The following RSPO2 variants were observed in gnomAD, a reference collection of about 807,000 sequenced individuals.
RSPO2 encodes R-spondin-2.
A neutral mutation model predicts 30.9 loss-of-function variants in RSPO2; 14 were observed. The observed-to-expected ratio is 0.45, with a 90% CI of 0.30 to 0.71. RSPO2 has a LOEUF of 0.71. RSPO2 is among the 30% of genes least tolerant of loss of function. RSPO2 has a pLI of 0.08. For synonymous variants in RSPO2, 107 were observed against 96.4 expected (o/e 1.11, Z -0.64); for missense variants, 264 against 301.9 (o/e 0.87, Z 0.93).
intron 3 of RSPO2, among the ~76,000 whole-genome samples, chr8:107,988,426 G>GT (rs71562167): frequency 0.096 from 13,735 of 143,326 alleles, 712 homozygotes; most frequent in Middle Eastern, 0.13. Flanking sequence ...TTCCTTTGTG[G>GT]TTTTTTTTTT....
At chr8:108,027,818 G>A (rs541652413) in intron 2 of RSPO2, among the ~76,000 whole-genome samples, 1 of 152,202 alleles carries the variant, frequency 6.6e-6, no homozygotes, top group African/African-American at 2.4e-5. Context: ...CAGTCCCCGA[G>A]CTTCTTTCTA....
intron 5 of RSPO2, among the ~76,000 whole-genome samples, chr8:107,935,853 G>T (rs1812707860): frequency 6.6e-6 from 1 of 152,038 alleles, no homozygotes. Context: ...ACCTATCTAT[G>T]GGTACATCTG....
chr8:108,062,722 C>G (rs909979005), intron 2 of RSPO2, among the ~76,000 whole-genome samples: 2 of 151,736 alleles, frequency 1.3e-5, no homozygotes, highest in African/African-American at 4.9e-5. Context: ...CTGGCAGAGA[C>G]ACAATGGAAA....
chr8:107,957,021 G>T (rs1028228590), intron 5 of RSPO2, among the ~76,000 whole-genome samples: 1 of 152,178 alleles, frequency 6.6e-6, no homozygotes, highest in Non-Finnish European at 1.5e-5. Context: ...CCTAATAGTA[G>T]CTTCTGAATC....
intron 2 of RSPO2, among the ~76,000 whole-genome samples, chr8:108,069,006 G>T (rs1812758345): frequency 6.6e-6 from 1 of 152,178 alleles, no homozygotes; most frequent in Admixed American, 6.5e-5. Flanking sequence ...TTAAAGTAAT[G>T]ACTCTAGAAA....
chr8:107,923,024 AAG>A (rs1006172397), intron 5 of RSPO2, among the ~76,000 whole-genome samples: 1 of 152,192 alleles, frequency 6.6e-6, no homozygotes, highest in Non-Finnish European at 1.5e-5. Flanking sequence ...GGAACAGGCA[AAG>A]ATTTCATGAA....
chr8:107,981,924 C>G (rs1298148631), intron 3 of RSPO2, among the ~76,000 whole-genome samples: 1 of 145,238 alleles, frequency 6.9e-6, no homozygotes, highest in Non-Finnish European at 1.5e-5. Context: ...GTCCCAGCTA[C>G]TGGGGAGGCT....
In RSPO2 at chr8:107,958,214, C is replaced by T. The variant is rs770159956; in HGVS notation, c.482G>A (p.Arg161His). ...CAGACCCCATTTAAATCCACATGTG[C>T]GATTATTTCTGCTACAAGTTCCCCA... is the stretch of plus-strand genomic sequence containing the variant. ...SEWGTCSRNN[R>H]TCGFKWGLET... Residue 161 changes from arginine (R) to histidine (H), a missense_variant, in exon 5 of 6, where the codon CGC (arginine) becomes CAC (histidine). Physicochemically the swap from Arg to His is conservative, Grantham distance 29. Coordinates refer to ENST00000276659, the MANE Select transcript of RSPO2 (RefSeq NM_178565.5). 5 of 1,613,444 alleles carry T rather than the reference C, an allele frequency of 3.1e-6. No individual in the cohort carries two copies. The highest frequency in any genetic ancestry group is 2.2e-5 in the East Asian group (1 of 44,838).
chr8:107,899,580 G>A lies in RSPO2; in HGVS notation c.*1495C>T, dbSNP rs1811375210. The A allele has an allele frequency of 6.6e-6, 1 of 152,140 alleles. No individual in the cohort carries two copies. The highest frequency in any genetic ancestry group is 1.5e-5 in the Non-Finnish European group (1 of 67,942). 9.4% of individuals were successfully genotyped at this position (152,140 alleles called of 1,614,324 possible). The stretch of plus-strand genomic sequence containing the variant: ...TTATCCTTATTGGTAAGATGCTTTT[G>A]AATCAAAAGTTAAAAACACTGAAGA... On this transcript the variant is annotated 3_prime_UTR_variant, in exon 6 of 6. Coordinates refer to ENST00000276659, the MANE Select transcript of RSPO2 (RefSeq NM_178565.5).
chr8:108,066,450 CT>C (rs5893904), intron 2 of RSPO2, among the ~76,000 whole-genome samples: 45,797 of 149,492 alleles, frequency 0.31, 7,710 homozygotes, highest in African/African-American at 0.46. Context: ...ACCAACAAGT[CT>C]TTTTTTTTTA....
intron 5 of RSPO2, among the ~76,000 whole-genome samples, chr8:107,915,488 A>T (rs1431030068): frequency 6.6e-6 from 1 of 152,130 alleles, no homozygotes; most frequent in Non-Finnish European, 1.5e-5. Context: ...AAACAGGAAG[A>T]TTTCAGGGAG....
chr8:108,059,297 A>G (rs1168133817), intron 2 of RSPO2, among the ~76,000 whole-genome samples: 1 of 151,936 alleles, frequency 6.6e-6, no homozygotes, highest in African/African-American at 2.4e-5. Flanking sequence ...CAAAACCACA[A>G]TGAGATACCA....
Position 108,013,271 on chromosome 8 carries a change from G to T in RSPO2, c.95-24027C>A, listed in dbSNP as rs549717595. On this transcript the variant is annotated intron_variant, in intron 2 of 5. Transcript: ENST00000276659. ...CTCTTTCTTTTTCTATTTTTGGTTG[G>T]TTTTTGTACTCACCCTTATACTTTT... Among the ~76,000 whole-genome samples, 25 of 152,132 alleles carry T rather than the reference G, an allele frequency of 1.6e-4. No homozygotes were observed. In the East Asian group the frequency reaches 4.8e-3, roughly 29 times the overall value.
At chr8:107,981,443 C>T (rs1473661726) in intron 3 of RSPO2, among the ~76,000 whole-genome samples, 1 of 151,990 alleles carries the variant, frequency 6.6e-6, no homozygotes, top group African/African-American at 2.4e-5. Flanking sequence ...ATTACTTGAA[C>T]CCAGGAAGCG....
intron 2 of RSPO2, among the ~76,000 whole-genome samples, chr8:108,023,691 T>C (rs534014708): frequency 3.3e-5 from 5 of 152,170 alleles, no homozygotes; most frequent in Non-Finnish European, 7.3e-5. Flanking sequence ...AATAGGACAC[T>C]CTGTTATGGC....
chr8:107,996,176 T>C (rs951683960), intron 2 of RSPO2, among the ~76,000 whole-genome samples: 1 of 152,084 alleles, frequency 6.6e-6, no homozygotes, highest in Non-Finnish European at 1.5e-5. Context: ...ACAGGCTGTG[T>C]GAGGAAATGG....
At chr8:108,002,756 T>G (rs1020212802) in intron 2 of RSPO2, among the ~76,000 whole-genome samples, 2 of 152,218 alleles carry the variant, frequency 1.3e-5, no homozygotes, top group African/African-American at 4.8e-5. Context: ...GTGTTTTAAA[T>G]GTGGAAACTT....
intron 3 of RSPO2, chr8:107,983,446 G>A: frequency 4.4e-6 from 7 of 1,599,084 alleles, no homozygotes; most frequent in Non-Finnish European, 6.0e-6. Flanking sequence ...GGATGCAGAG[G>A]GCCAGAGTCC....
At chr8:108,073,190 G>A (rs766024206) in intron 2 of RSPO2, 2 of 152,140 alleles carry the variant, frequency 1.3e-5, no homozygotes, top group African/African-American at 2.4e-5. Flanking sequence ...TTGTTCCTTT[G>A]TTCTCTCTGT....
Sources: allele counts gnomAD v4.1 joint callset (sites outside exome capture counted in the v4.1 genomes callset), GRCh38; gene constraint gnomAD v4.1.1; transcripts MANE v1.5; gene names NCBI Gene and HGNC (gene_info 2026-07-23, HGNC 2026-07-21).